The following NALF1 variants were observed in gnomAD, a reference collection of about 807,000 sequenced individuals.
The protein encoded by NALF1 is NALCN channel auxiliary factor 1.
NALF1 carries 3 observed loss-of-function variants against 48.4 expected under a neutral mutation model. The observed-to-expected ratio is 0.06, with a 90% confidence interval of 0.03 to 0.16. The LOEUF is 0.16. NALF1 is among the 10% of genes least tolerant of loss of function. NALF1 has a pLI of 1.00. For missense variants in NALF1, 526 were observed against 571.5 expected, an observed-to-expected ratio of 0.92 and a Z score of 0.81; for synonymous variants, 262 against 245.7, an observed-to-expected ratio of 1.07 and a Z score of -0.62.
At chr13:107,244,261 T>G (rs1312515769) in intron 1 of NALF1, among the ~76,000 whole-genome samples, 1 of 152,190 alleles carries the variant, frequency 6.6e-6, no homozygotes, top group Non-Finnish European at 1.5e-5. Flanking sequence ...AGGGAAAAGA[T>G]GTTTCTTGTC....
intron 1 of NALF1, among the ~76,000 whole-genome samples, chr13:107,567,906 C>T (rs1394314782): frequency 1.3e-5 from 2 of 152,158 alleles, no homozygotes; most frequent in Non-Finnish European, 2.9e-5. Context: ...GGCTATTTTA[C>T]TCTGTAATTT....
At chr13:107,409,843 G>A (rs1280383036) in intron 1 of NALF1, among the ~76,000 whole-genome samples, 1 of 152,108 alleles carries the variant, frequency 6.6e-6, no homozygotes, top group African/African-American at 2.4e-5. Context: ...GCTAGACTAG[G>A]GAATTTCTAC....
At chr13:107,726,609 CT>C (rs747619499) in intron 1 of NALF1, among the ~76,000 whole-genome samples, 8 of 98,616 alleles carry the variant, frequency 8.1e-5, no homozygotes, top group African/African-American at 3.0e-4. Flanking sequence ...AAGGCAAATT[CT>C]TTTTTTTTTT....
At chr13:107,245,377 A>G (rs1398942859) in intron 1 of NALF1, among the ~76,000 whole-genome samples, 2 of 152,228 alleles carry the variant, frequency 1.3e-5, no homozygotes, top group Non-Finnish European at 2.9e-5. Flanking sequence ...TGTTTCATGA[A>G]TTACATGCAA....
chr13:107,734,583 G>A (rs1876412842), intron 1 of NALF1, among the ~76,000 whole-genome samples: 1 of 151,978 alleles, frequency 6.6e-6, no homozygotes. Flanking sequence ...GTGGCATAAT[G>A]GAAACAAGTT....
intron 1 of NALF1, among the ~76,000 whole-genome samples, chr13:107,459,168 G>C (rs1401651089): frequency 6.6e-6 from 1 of 151,974 alleles, no homozygotes; most frequent in East Asian, 1.9e-4. Flanking sequence ...TTCTTATAAA[G>C]AGCTGGTATC....
intron 1 of NALF1, among the ~76,000 whole-genome samples, chr13:107,858,713 A>T (rs1455750677): frequency 1.3e-5 from 2 of 152,152 alleles, no homozygotes; most frequent in African/African-American, 4.8e-5. Flanking sequence ...TTAATAACCC[A>T]TCTGTTTGAC....
intron 1 of NALF1, among the ~76,000 whole-genome samples, chr13:107,690,902 A>C (rs1881553436): frequency 6.6e-6 from 1 of 152,214 alleles, no homozygotes; most frequent in Non-Finnish European, 1.5e-5. Context: ...GGTGATGTGG[A>C]AAATCTATTT....
chr13:107,835,343 G>A (rs1328166012), intron 1 of NALF1: 4 of 152,094 alleles, frequency 2.6e-5, no homozygotes, highest in African/African-American at 4.8e-5. Flanking sequence ...GGATCGATTT[G>A]CCTCTCTCTT....
Position 107,541,525 on chromosome 13 carries a change from G to A in NALF1, c.915+324157C>T, listed in dbSNP as rs1024603532. Among the ~76,000 whole-genome samples, 9 of 151,984 alleles carry A rather than the reference G, an allele frequency of 5.9e-5. No individual in the cohort carries two copies. The South Asian group carries it at 1.5e-3, about 25-fold the overall frequency. ...AAGGGAGGGATGGAAAGACAGAGAGGGCACAAGATTTTCCCCTGTGGACCA... is the reference window on the plus strand; with the variant it reads ...AAGGGAGGGATGGAAAGACAGAGAGAGCACAAGATTTTCCCCTGTGGACCA... On this transcript the variant is annotated intron_variant, in intron 1 of 2. Transcript: ENST00000375915.
At chr13:107,589,051 A>G (rs924202269) in intron 1 of NALF1, among the ~76,000 whole-genome samples, 2 of 152,204 alleles carry the variant, frequency 1.3e-5, no homozygotes, top group Middle Eastern at 3.4e-3. Context: ...TACTGCCAAG[A>G]TATTTCAGAC....
At chr13:107,401,819 C>A (rs911523501) in intron 1 of NALF1, among the ~76,000 whole-genome samples, 1 of 152,108 alleles carries the variant, frequency 6.6e-6, no homozygotes, top group Non-Finnish European at 1.5e-5. Flanking sequence ...ACAATCAAAC[C>A]CATGTTGGAT....
intron 1 of NALF1, among the ~76,000 whole-genome samples, chr13:107,484,373 A>C (rs1206416668): frequency 6.6e-6 from 1 of 152,186 alleles, no homozygotes; most frequent in Non-Finnish European, 1.5e-5. Flanking sequence ...TCATGAGAAC[A>C]TATTAGATAT....
At chr13:107,356,273 A>G (rs1333811480) in intron 1 of NALF1, among the ~76,000 whole-genome samples, 3 of 152,220 alleles carry the variant, frequency 2.0e-5, no homozygotes, top group Non-Finnish European at 2.9e-5. Flanking sequence ...TAGATATTTT[A>G]GGATATCTGA....
At chr13:107,493,767 C>T (rs68039025) in intron 1 of NALF1, among the ~76,000 whole-genome samples, 39,655 of 151,890 alleles carry the variant, frequency 0.26, 5,319 homozygotes, top group East Asian at 0.31. Context: ...TGCATACCTG[C>T]AGTTCCAGCT....
chr13:107,831,352 C>A (rs1284068219), intron 1 of NALF1, among the ~76,000 whole-genome samples: 1 of 151,878 alleles, frequency 6.6e-6, no homozygotes, highest in Non-Finnish European at 1.5e-5. Flanking sequence ...AAAAGTAAGC[C>A]TCGGCACTTA....
chr13:107,526,446 G>A (rs1297428832), intron 1 of NALF1, among the ~76,000 whole-genome samples: 2 of 152,050 alleles, frequency 1.3e-5, no homozygotes, highest in African/African-American at 4.8e-5. Context: ...AGGACTCCTT[G>A]TACAGGGTAG....
chr13:107,845,977 G>A (rs530974509), intron 1 of NALF1, among the ~76,000 whole-genome samples: 1 of 152,048 alleles, frequency 6.6e-6, no homozygotes, highest in Admixed American at 6.6e-5. Flanking sequence ...ATATATATTA[G>A]AGTATACAGC....
intron 1 of NALF1, among the ~76,000 whole-genome samples, chr13:107,687,025 C>G (rs1461095706): frequency 1.3e-5 from 2 of 152,048 alleles, no homozygotes; most frequent in African/African-American, 2.4e-5. Context: ...GCCTTATTCA[C>G]AATAACAAGA....
Sources: gnomAD v4.1 joint callset for allele counts (sites outside exome capture counted in the v4.1 genomes callset) on GRCh38, gnomAD v4.1.1 for gene constraint, MANE v1.5 for transcripts, NCBI Gene and HGNC (gene_info 2026-07-23, HGNC 2026-07-21) for gene names.